The following VAT1L variants were observed in gnomAD, a reference collection of about 807,000 sequenced individuals.
VAT1L encodes the protein vesicle amine transport 1 like, also known as putative NADPH-dependent quinone oxidoreductase VAT1L.
A neutral mutation model predicts 44.1 loss-of-function variants in VAT1L; 34 were observed. The ratio of observed to expected loss-of-function variants is 0.77; its 90% CI spans 0.59 to 1.03. The LOEUF is 1.03. VAT1L is among the 50% of genes least tolerant of loss of function. The probability of loss-of-function intolerance (pLI) is 0.00; values close to 1 mark genes in which losing one functional copy is unlikely to be tolerated. For missense variants in VAT1L, 615 were observed against 538.8 expected (o/e 1.14, Z -1.40); for synonymous variants, 253 against 202.2 (o/e 1.25, Z -2.13).
chr16:77,841,604 G>A (rs1324363179), intron 3 of VAT1L, among the ~76,000 whole-genome samples: 1 of 152,170 alleles, frequency 6.6e-6, no homozygotes, highest in Non-Finnish European at 1.5e-5. Flanking sequence ...CTATGTCAAA[G>A]AGCTGACAAT....
intron 4 of VAT1L, among the ~76,000 whole-genome samples, chr16:77,869,812 G>A (rs763724516): frequency 2.0e-5 from 3 of 152,152 alleles, no homozygotes; most frequent in Admixed American, 2.0e-4. Context: ...ACTCCCGATC[G>A]AGGGGGAGCA....
At chr16:77,831,371 A>G (rs567179201) in intron 3 of VAT1L, among the ~76,000 whole-genome samples, 19 of 152,276 alleles carry the variant, frequency 1.2e-4, no homozygotes, top group African/African-American at 4.6e-4. Context: ...TATTCATAGT[A>G]CTGGGTACCT....
intron 1 of VAT1L, among the ~76,000 whole-genome samples, chr16:77,803,793 T>C (rs892497787): frequency 1.3e-5 from 2 of 152,126 alleles, no homozygotes; most frequent in Non-Finnish European, 1.5e-5. Flanking sequence ...TATTTCTCCA[T>C]TGAGACCCTG....
intron 5 of VAT1L, 32 bp downstream of exon 5, chr16:77,876,505 A>G: frequency 6.3e-7 from 1 of 1,587,398 alleles, no homozygotes; most frequent in Non-Finnish European, 8.7e-7. Context: ...GGACGTGGTC[A>G]GCAATAGGTA....
intron 7 of VAT1L, among the ~76,000 whole-genome samples, chr16:77,922,152 A>C (rs1308213656): frequency 3.3e-5 from 5 of 151,888 alleles, no homozygotes; most frequent in Non-Finnish European, 4.4e-5. Context: ...TAAATGAAGA[A>C]TCTCTCGCTG....
intron 7 of VAT1L, among the ~76,000 whole-genome samples, chr16:77,923,409 C>T (rs778730161): frequency 1.3e-5 from 2 of 152,162 alleles, no homozygotes; most frequent in Non-Finnish European, 2.9e-5. Context: ...AAGATCATGC[C>T]ATTGCATCCT....
intron 7 of VAT1L, among the ~76,000 whole-genome samples, chr16:77,924,490 T>G (rs1398341083): frequency 6.6e-6 from 1 of 152,144 alleles, no homozygotes; most frequent in African/African-American, 2.4e-5. Context: ...AGACAGAGTC[T>G]TGCTCTGTCA....
intron 7 of VAT1L, among the ~76,000 whole-genome samples, chr16:77,943,765 G>T (rs1241827452): frequency 1.3e-5 from 2 of 152,122 alleles, no homozygotes; most frequent in African/African-American, 2.4e-5. Flanking sequence ...AAGTCACTTA[G>T]CCTCTAAGGA....
At chr16:77,815,407 A>C (rs1378379086) in intron 1 of VAT1L, among the ~76,000 whole-genome samples, 1 of 152,210 alleles carries the variant, frequency 6.6e-6, no homozygotes, top group Non-Finnish European at 1.5e-5. Context: ...AAGCAGAGAA[A>C]TATGAGGCAT....
intron 3 of VAT1L, among the ~76,000 whole-genome samples, chr16:77,853,793 A>C (rs2016829999): frequency 6.6e-6 from 1 of 152,110 alleles, no homozygotes; most frequent in Non-Finnish European, 1.5e-5. Flanking sequence ...AGAAAAAAAT[A>C]AGACACTGTC....
At chr16:77,872,554 C>T (rs2017043741) in intron 4 of VAT1L, among the ~76,000 whole-genome samples, 2 of 152,138 alleles carry the variant, frequency 1.3e-5, no homozygotes, top group African/African-American at 4.8e-5. Context: ...CAACTCCCAC[C>T]TGCCTCTCCA....
rs1255818104 is a variant in VAT1L, at chr16:77,826,041, AAAAAAAAAG to A, written c.579+584_579+592del. ...CCATCTCAAAAAAAAAAGAAAAAAA[AAAAAAAAAG>A]AAAGAAATTAGCCGGGCGTAGTGGC... is the stretch of plus-strand genomic sequence containing the variant. On this transcript the variant is annotated intron_variant, in intron 3 of 8. Coordinates refer to ENST00000302536, the MANE Select transcript of VAT1L (RefSeq NM_020927.3). Among the ~76,000 whole-genome samples, 6 of 107,856 alleles carry A rather than the reference AAAAAAAAAG, an allele frequency of 5.6e-5. No homozygotes were observed. The South Asian group carries it at 1.1e-3, about 19-fold the overall frequency. The allele number at this position is 107,856 out of a possible 152,430, so 70.8% of individuals were successfully genotyped here.
intron 3 of VAT1L, among the ~76,000 whole-genome samples, chr16:77,837,796 T>C (rs911967119): frequency 1.3e-5 from 2 of 152,212 alleles, no homozygotes; most frequent in Non-Finnish European, 2.9e-5. Flanking sequence ...CCTTATTATA[T>C]GGCATTTTAA....
chr16:77,891,271 A>G (rs1339364008), intron 7 of VAT1L, among the ~76,000 whole-genome samples: 2 of 151,366 alleles, frequency 1.3e-5, no homozygotes, highest in African/African-American at 2.4e-5. Flanking sequence ...GTAGAATGGC[A>G]TGAACCCAGG....
chr16:77,846,699 G>C (rs1323773605), intron 3 of VAT1L, among the ~76,000 whole-genome samples: 2 of 152,148 alleles, frequency 1.3e-5, no homozygotes, highest in East Asian at 1.9e-4. Flanking sequence ...TTTCTTGTCA[G>C]ATAGTTGGTT....
chr16:77,881,727 G>A (rs891823712), intron 6 of VAT1L, among the ~76,000 whole-genome samples: 4 of 152,188 alleles, frequency 2.6e-5, no homozygotes, highest in South Asian at 2.1e-4. Flanking sequence ...CTACAGAACC[G>A]ACAGGAGGAG....
At chr16:77,916,388 T>G (rs779033805) in intron 7 of VAT1L, among the ~76,000 whole-genome samples, 2 of 152,248 alleles carry the variant, frequency 1.3e-5, no homozygotes, top group African/African-American at 2.4e-5. Flanking sequence ...ACGAAGTAGC[T>G]GTATCGTTGT....
intron 7 of VAT1L, among the ~76,000 whole-genome samples, chr16:77,897,082 T>C (rs188088215): frequency 1.3e-5 from 2 of 152,350 alleles, no homozygotes; most frequent in East Asian, 1.9e-4. Context: ...TGTACTGATA[T>C]GTTAATCACA....
chr16:77,934,542 A>C (rs1314901056), intron 7 of VAT1L, among the ~76,000 whole-genome samples: 2 of 152,076 alleles, frequency 1.3e-5, no homozygotes, highest in East Asian at 3.9e-4. Flanking sequence ...GCCAATGAAA[A>C]CCATTTTGGA....
Sources: allele counts gnomAD v4.1 joint callset (sites outside exome capture counted in the v4.1 genomes callset), GRCh38; gene constraint gnomAD v4.1.1; transcripts MANE v1.5; gene names NCBI Gene and HGNC (gene_info 2026-07-23, HGNC 2026-07-21).